Variants in ZSCAN5A observed in about 807,000 individuals in gnomAD.
ZSCAN5A encodes the protein zinc finger and SCAN domain-containing protein 5A.
Under a neutral mutation model 23.7 loss-of-function variants are expected in ZSCAN5A, and 12 were observed. The ratio of observed to expected loss-of-function variants is 0.51; its 90% CI spans 0.32 to 0.82. The LOEUF (loss-of-function observed/expected upper bound fraction) is 0.82. ZSCAN5A is among the 40% of genes least tolerant of loss of function. ZSCAN5A has a pLI of 0.03. For missense variants in ZSCAN5A, 597 were observed against 617.9 expected, an observed-to-expected ratio of 0.97 and a Z score of 0.36; for synonymous variants, 257 against 239.9, an observed-to-expected ratio of 1.07 and a Z score of -0.66.
chr19:56,360,953 C>T (rs1425177437), intron 2 of ZSCAN5A, among the ~76,000 whole-genome samples: 4 of 152,106 alleles, frequency 2.6e-5, no homozygotes, highest in Non-Finnish European at 5.9e-5. Flanking sequence ...CGACAAAGGT[C>T]TAATATTCAG....
At chr19:56,366,641 C>A (rs886626776) in intron 1 of ZSCAN5A, among the ~76,000 whole-genome samples, 2 of 152,146 alleles carry the variant, frequency 1.3e-5, no homozygotes, top group African/African-American at 4.8e-5. Flanking sequence ...TCTACTCTAA[C>A]CAATCAAGTA....
Position 56,314,716 on chromosome 19 carries a change from G to C in ZSCAN5A, c.-265C>G, listed in dbSNP as rs550678782. The C allele has an allele frequency of 1.3e-5, 2 of 152,428 alleles. No homozygotes were observed. Among genetic ancestry groups the C allele is most frequent in the South Asian group, 4.1e-4 (2 of 4,832 alleles). The allele number at this position is 152,428 out of a possible 1,614,324, so 9.4% of individuals were successfully genotyped here. A position where few individuals can be genotyped will look rare whatever the true frequency, so the allele number is the denominator to read the frequency against. On this transcript the variant is annotated 5_prime_UTR_variant, in exon 1 of 6. Coordinates refer to ENST00000683990, the MANE Select transcript of ZSCAN5A (RefSeq NM_001322064.3). ...GCGACACACTCAGAAACGTCTACTA[G>C]TGACGGTCAAGCCACCTACAACCGG...
At chr19:56,302,875 GC>G in intron 2 of ZSCAN5A, 1 of 398,750 alleles carries the variant, frequency 2.5e-6, no homozygotes, top group Non-Finnish European at 4.4e-6. Flanking sequence ...GTTGCTGGTT[GC>G]TGGGGACTCT....
chr19:56,244,241 G>A, intron 2 of ZSCAN5A: 1 of 1,602,730 alleles, frequency 6.2e-7, no homozygotes, highest in Non-Finnish European at 8.5e-7. Context: ...GAAACTCACT[G>A]AGCTGTGCCA....
chr19:56,230,615 A>ATATGTGTGTG (rs778155664), intron 2 of ZSCAN5A, among the ~76,000 whole-genome samples: 1,722 of 147,670 alleles, frequency 0.012, 25 homozygotes, highest in East Asian at 0.045. Flanking sequence ...TTATTTCTTG[A>ATATGTGTGTG]TGTGTGTGTG....
At chr19:56,224,503 A>G in intron 3 of ZSCAN5A, 160 bp downstream of exon 3, 1 of 1,043,616 alleles carries the variant, frequency 9.6e-7, no homozygotes, top group Non-Finnish European at 1.4e-6. Context: ...GACAACAAAA[A>G]CTGTCCCCAG....
chr19:56,265,432 G>T (rs2037408076), intron 2 of ZSCAN5A, among the ~76,000 whole-genome samples: 1 of 150,792 alleles, frequency 6.6e-6, no homozygotes, highest in South Asian at 2.1e-4. Context: ...AAAGCTGGTG[G>T]AAAGTAAACT....
At chr19:56,254,716 C>T (rs967242488) in intron 2 of ZSCAN5A, among the ~76,000 whole-genome samples, 2 of 152,108 alleles carry the variant, frequency 1.3e-5, no homozygotes, top group African/African-American at 2.4e-5. Context: ...CATTTCTCCA[C>T]ATCCTTGGCA....
At chr19:56,252,278 A>G (rs1279675294) in intron 2 of ZSCAN5A, among the ~76,000 whole-genome samples, 2 of 152,206 alleles carry the variant, frequency 1.3e-5, no homozygotes, top group Non-Finnish European at 2.9e-5. Flanking sequence ...AGGTGCACCT[A>G]CCCAAACCTG....
intron 2 of ZSCAN5A, among the ~76,000 whole-genome samples, chr19:56,326,729 CA>C (rs2041438127): frequency 6.6e-6 from 1 of 152,114 alleles, no homozygotes; most frequent in South Asian, 2.1e-4. Context: ...ACTAATGGTA[CA>C]AATCCCACTA....
intron 2 of ZSCAN5A, chr19:56,343,395 G>A: frequency 3.7e-6 from 2 of 542,752 alleles, no homozygotes; most frequent in South Asian, 1.5e-5. Context: ...TAAGTGCCAT[G>A]CAGCAATTTG....
chr19:56,234,490 C>A (rs906984258), intron 2 of ZSCAN5A, among the ~76,000 whole-genome samples: 1 of 151,044 alleles, frequency 6.6e-6, no homozygotes, highest in African/African-American at 2.5e-5. Flanking sequence ...ATACTCAATA[C>A]CTGTTTTAAA....
rs1226927159 is a variant in ZSCAN5A at position 56,302,566 on chromosome 19, TCCTTTTCTTCCTCCC to T, written c.-128+10702_-128+10716del. ...CCCCGTTCCTCCCTCCCTCCCCCCT[TCCTTTTCTTCCTCCC>T]CCTTTTCTTCCTCTCCCTCTTCTTC... is the stretch of plus-strand genomic sequence containing the variant. On this transcript the variant is annotated intron_variant, in intron 2 of 5. Transcript: ENST00000683990. Among the ~76,000 whole-genome samples, 175 of 69,584 alleles carry T rather than the reference TCCTTTTCTTCCTCCC, an allele frequency of 2.5e-3. 1 individual carries two copies. In the South Asian group the frequency reaches 0.048, roughly 19 times the overall value. The allele number at this position is 69,584 out of a possible 152,430, so 45.6% of individuals were successfully genotyped here.
chr19:56,233,736 T>C (rs1222506379), intron 2 of ZSCAN5A, among the ~76,000 whole-genome samples: 1 of 150,040 alleles, frequency 6.7e-6, no homozygotes, highest in Non-Finnish European at 1.5e-5. Flanking sequence ...TTTTTTGCCA[T>C]AAATATCAGC....
At chr19:56,318,833 A>G (rs1211665653), upstream of ZSCAN5A, among the ~76,000 whole-genome samples, 2 of 152,212 alleles carry the variant, frequency 1.3e-5, no homozygotes, top group East Asian at 3.8e-4. Flanking sequence ...CTCAGTATAA[A>G]TTGATTGAAA....
chr19:56,236,714 G>T (rs2034949290), intron 2 of ZSCAN5A, among the ~76,000 whole-genome samples: 1 of 131,860 alleles, frequency 7.6e-6, no homozygotes, highest in Admixed American at 7.4e-5. Context: ...TGGACGGTGG[G>T]CCACGCCTCC....
chr19:56,223,924 T>C, intron 3 of ZSCAN5A, 90 bp from the exon 4 acceptor site: 1 of 1,144,356 alleles, frequency 8.7e-7, no homozygotes, highest in Non-Finnish European at 1.2e-6. Flanking sequence ...GCTCACACTT[T>C]ACTGTAATTA....
intron 2 of ZSCAN5A, chr19:56,304,766 G>C: frequency 1.0e-6 from 1 of 985,092 alleles, no homozygotes; most frequent in Non-Finnish European, 1.2e-6. Context: ...TTCTTTCTCT[G>C]TTCCCAGTTC....
At chr19:56,353,916 A>C (rs970872054) in intron 2 of ZSCAN5A, among the ~76,000 whole-genome samples, 2 of 152,382 alleles carry the variant, frequency 1.3e-5, no homozygotes, top group African/African-American at 4.8e-5. Flanking sequence ...ATGAACAGAT[A>C]AACAGAATGT....
Sources: allele counts gnomAD v4.1 joint callset (sites outside exome capture counted in the v4.1 genomes callset), GRCh38; gene constraint gnomAD v4.1.1; transcripts MANE v1.5; gene names NCBI Gene and HGNC (gene_info 2026-07-23, HGNC 2026-07-21).